Variants in PRKG1 observed in about 807,000 individuals in gnomAD.
PRKG1 encodes the protein cGMP-dependent protein kinase 1.
Under a neutral mutation model 88.1 loss-of-function variants are expected in PRKG1, and 35 were observed. That is an observed-to-expected ratio of 0.40 (90% CI 0.30 to 0.53). The LOEUF (loss-of-function observed/expected upper bound fraction) is 0.53. Among genes scored for constraint, PRKG1 ranks in the 20% least tolerant of loss-of-function variants. The pLI is 0.59. For missense variants in PRKG1, 540 were observed against 839.8 expected, an observed-to-expected ratio of 0.64 and a Z score of 4.41; for synonymous variants, 303 against 292.5, an observed-to-expected ratio of 1.04 and a Z score of -0.37.
intron 5 of PRKG1, among the ~76,000 whole-genome samples, chr10:51,939,052 G>T (rs1021639597): frequency 6.6e-5 from 10 of 151,908 alleles, no homozygotes; most frequent in Admixed American, 6.6e-4. Context: ...AATTCTTCTC[G>T]TTATGTGTTA....
intron 9 of PRKG1, among the ~76,000 whole-genome samples, chr10:52,247,053 G>T (rs542974721): frequency 1.3e-5 from 2 of 152,160 alleles, no homozygotes; most frequent in East Asian, 3.9e-4. Flanking sequence ...TGTATTGTGT[G>T]TTGTTAACCT....
At chr10:52,163,693 T>G (rs115921582) in intron 9 of PRKG1, among the ~76,000 whole-genome samples, 2,216 of 152,288 alleles carry the variant, frequency 0.015, 45 homozygotes, top group African/African-American at 0.05. Context: ...CAGTGTCCTA[T>G]GGACTTTATA....
At chr10:51,111,927 T>G (rs565881979) in intron 1 of PRKG1, among the ~76,000 whole-genome samples, 1 of 152,236 alleles carries the variant, frequency 6.6e-6, no homozygotes. Context: ...GCAGTAGGGG[T>G]GCTACTTCTT....
intron 1 of PRKG1, among the ~76,000 whole-genome samples, chr10:51,087,976 G>T (rs1304351118): frequency 1.3e-5 from 2 of 152,130 alleles, no homozygotes; most frequent in Non-Finnish European, 2.9e-5. Context: ...TGTTACTTAG[G>T]CTGGTCTTGA....
chr10:51,410,567 G>A (rs974935720), intron 2 of PRKG1, among the ~76,000 whole-genome samples: 1 of 152,008 alleles, frequency 6.6e-6, no homozygotes, highest in Non-Finnish European at 1.5e-5. Flanking sequence ...CCAGACCACT[G>A]ACTCAAATGT....
At chr10:51,684,636 G>A (rs1024733644) in intron 3 of PRKG1, among the ~76,000 whole-genome samples, 73 of 152,122 alleles carry the variant, frequency 4.8e-4, no homozygotes, top group African/African-American at 1.4e-3. Flanking sequence ...TTGGGAGGCC[G>A]GGGCAACAGA....
At chr10:52,205,659 T>G (rs1453821453) in intron 9 of PRKG1, among the ~76,000 whole-genome samples, 1 of 152,206 alleles carries the variant, frequency 6.6e-6, no homozygotes, top group African/African-American at 2.4e-5. Flanking sequence ...TTATTTCTCC[T>G]TCTTTTATGA....
chr10:51,621,007 GTGTATATATATA>G (rs1476714170), intron 3 of PRKG1, among the ~76,000 whole-genome samples: 4 of 122,160 alleles, frequency 3.3e-5, no homozygotes, highest in South Asian at 3.0e-4. Flanking sequence ...GTGTATATGT[GTGTATATATATA>G]TATATATATA....
intron 2 of PRKG1, among the ~76,000 whole-genome samples, chr10:51,390,309 G>T (rs1037369358): frequency 2.6e-5 from 4 of 152,116 alleles, no homozygotes; most frequent in African/African-American, 9.7e-5. Flanking sequence ...TTACAGACAG[G>T]TTCATATTCC....
intron 5 of PRKG1, among the ~76,000 whole-genome samples, chr10:51,972,074 C>G (rs1843726002): frequency 6.6e-6 from 1 of 152,068 alleles, no homozygotes; most frequent in Non-Finnish European, 1.5e-5. Flanking sequence ...TTCTTCCCTC[C>G]CTCCAAGTAC....
chr10:52,161,878 T>C lies in PRKG1; in HGVS notation c.1002-11T>C. The C allele has an allele frequency of 6.2e-7, 1 of 1,611,946 alleles. No homozygotes were observed. Among genetic ancestry groups the C allele is most frequent in the Non-Finnish European group, 8.5e-7 (1 of 1,178,906 alleles). On this transcript the variant is annotated splice_polypyrimidine_tract_variant and intron_variant, in intron 8 of 17. Transcript: ENST00000373980. ...TAGAAGATTAATCACTGTGCTTTTTTCGTCTGACAGCTCTTTTAAACATTT... is the reference window on the plus strand; with the variant it reads ...TAGAAGATTAATCACTGTGCTTTTTCCGTCTGACAGCTCTTTTAAACATTT...
intron 3 of PRKG1, among the ~76,000 whole-genome samples, chr10:51,566,772 A>G (rs554207475): frequency 3.0e-4 from 46 of 152,184 alleles, no homozygotes; most frequent in African/African-American, 1.1e-3. Context: ...TCTGTAAACA[A>G]AGATATGGAA....
At chr10:52,256,544 A>G (rs1219617768) in intron 10 of PRKG1, among the ~76,000 whole-genome samples, 1 of 139,766 alleles carries the variant, frequency 7.2e-6, no homozygotes, top group African/African-American at 2.5e-5. Flanking sequence ...GGTTGTGAAG[A>G]TTAAACGAGT....
At position 51,915,023 on chromosome 10, in the gene PRKG1, G is replaced by A. The variant is rs1283294869; in HGVS notation, c.762+7453G>A. On this transcript the variant is annotated intron_variant, in intron 5 of 17. Coordinates refer to ENST00000373980, the MANE Select transcript of PRKG1 (RefSeq NM_006258.4). ...ATTCCAGGGACCCTCTTGGGAAAAG[G>A]AGGTTAATGTAGCCAACTTACTCTT... Among the ~76,000 whole-genome samples the A allele has an allele frequency of 2.0e-5, 3 of 152,146 alleles. No homozygotes were observed. In the East Asian group the frequency reaches 5.8e-4, roughly 29 times the overall value.
chr10:51,935,470 G>T (rs537612218), intron 5 of PRKG1, among the ~76,000 whole-genome samples: 2 of 152,142 alleles, frequency 1.3e-5, no homozygotes, highest in Middle Eastern at 6.8e-3. Context: ...GTAATTGCAG[G>T]GCTTGAGATA....
chr10:51,209,456 G>A (rs1327974079), intron 2 of PRKG1, among the ~76,000 whole-genome samples: 2 of 152,116 alleles, frequency 1.3e-5, no homozygotes, highest in African/African-American at 4.8e-5. Context: ...AATATAATGT[G>A]TAAGAACTGT....
chr10:51,152,976 C>A (rs1398333155), intron 1 of PRKG1, among the ~76,000 whole-genome samples, 188 bp from the exon 2 acceptor site: 1 of 112,698 alleles, frequency 8.9e-6, no homozygotes, highest in African/African-American at 3.6e-5. Context: ...TTCTTAGTGC[C>A]TTTTTTTTTT....
intron 4 of PRKG1, among the ~76,000 whole-genome samples, chr10:51,857,618 G>C (rs934964745): frequency 1.1e-4 from 16 of 152,220 alleles, no homozygotes; most frequent in Admixed American, 1.3e-4. Flanking sequence ...AATCAATCCT[G>C]GCTTTGTTTG....
intron 1 of PRKG1, among the ~76,000 whole-genome samples, chr10:51,106,252 A>G (rs1446966121): frequency 6.6e-6 from 1 of 152,216 alleles, no homozygotes; most frequent in East Asian, 1.9e-4. Context: ...AATTCAGATC[A>G]AAATACATGT....
Sources: gnomAD v4.1 joint callset for allele counts (sites outside exome capture counted in the v4.1 genomes callset) on GRCh38, gnomAD v4.1.1 for gene constraint, MANE v1.5 for transcripts, NCBI Gene and HGNC (gene_info 2026-07-23, HGNC 2026-07-21) for gene names.